PARD3B: variants seen among roughly 807,000 people sequenced by gnomAD.
The protein encoded by PARD3B is partitioning defective 3 homolog B.
Under a neutral mutation model 130.2 loss-of-function variants are expected in PARD3B, and 103 were observed. The observed-to-expected ratio is 0.79, with a 90% CI of 0.67 to 0.93. PARD3B has a LOEUF of 0.93. PARD3B is among the 40% of genes least tolerant of loss of function. The pLI is 0.00. For synonymous variants in PARD3B, 583 were observed against 553.2 expected (o/e 1.05, Z -0.76); for missense variants, 1,609 against 1,499.2 (o/e 1.07, Z -1.21).
intron 18 of PARD3B, among the ~76,000 whole-genome samples, chr2:205,399,912 G>A (rs978763121): frequency 7.2e-5 from 11 of 152,150 alleles, no homozygotes; most frequent in South Asian, 2.1e-4. Context: ...AAAGGAAAGC[G>A]TACAGGCAGA....
chr2:205,431,671 A>G (rs943247839), intron 19 of PARD3B, among the ~76,000 whole-genome samples: 17 of 151,522 alleles, frequency 1.1e-4, no homozygotes, highest in Admixed American at 7.2e-4. Flanking sequence ...GGGTTTCACT[A>G]TGTTGGCCAG....
chr2:204,990,858 T>C (rs976416111), intron 3 of PARD3B, among the ~76,000 whole-genome samples: 3 of 152,186 alleles, frequency 2.0e-5, no homozygotes, highest in Non-Finnish European at 4.4e-5. Context: ...GTTTAAAAGT[T>C]TACTTTACAT....
intron 21 of PARD3B, among the ~76,000 whole-genome samples, chr2:205,515,041 T>C (rs2106380465): frequency 6.6e-6 from 1 of 152,150 alleles, no homozygotes. Context: ...TTCTTTGTTT[T>C]CCTAAGTGCT....
rs183580954 is a variant in PARD3B, at chr2:205,569,667, A to T, written c.3260+16264A>T. 1.2e-4 allele frequency among the ~76,000 whole-genome samples: 19 copies of T among 152,334 alleles called. 1 individual carries two copies. The East Asian group carries it at 3.7e-3, about 29-fold the overall frequency. On this transcript the variant is annotated intron_variant, in intron 22 of 22. Coordinates refer to ENST00000406610, the MANE Select transcript of PARD3B (RefSeq NM_001302769.2). ...AGTTCATTGGCACATGTCAACCAGA[A>T]TCAATTTACATCTTGCTCTCACTGA...
intron 2 of PARD3B, among the ~76,000 whole-genome samples, chr2:204,896,158 G>A (rs915489299): frequency 6.6e-6 from 1 of 152,136 alleles, no homozygotes; most frequent in African/African-American, 2.4e-5. Flanking sequence ...TTCTGCAAAT[G>A]CTAGCTATTA....
intron 1 of PARD3B, among the ~76,000 whole-genome samples, chr2:204,565,285 A>G (rs1380256833): frequency 1.3e-5 from 2 of 152,198 alleles, no homozygotes; most frequent in South Asian, 2.1e-4. Context: ...AGTATTATAT[A>G]ATACAACATA....
intron 2 of PARD3B, among the ~76,000 whole-genome samples, chr2:204,710,473 G>A (rs1400233584): frequency 6.6e-6 from 1 of 152,212 alleles, no homozygotes; most frequent in Non-Finnish European, 1.5e-5. Context: ...GTTTTTAAGA[G>A]CTGGACTTGC....
intron 19 of PARD3B, among the ~76,000 whole-genome samples, chr2:205,422,102 A>G (rs1195816189): frequency 6.6e-6 from 1 of 152,228 alleles, no homozygotes; most frequent in Non-Finnish European, 1.5e-5. Flanking sequence ...AATAAACTAG[A>G]GCAATGTGAT....
At chr2:205,248,659 T>G (rs959515448) in intron 16 of PARD3B, among the ~76,000 whole-genome samples, 2 of 137,420 alleles carry the variant, frequency 1.5e-5, no homozygotes, top group Non-Finnish European at 3.0e-5. Context: ...CAGGCTGGAG[T>G]GCAGTGGCGC....
chr2:205,234,632 G>A (rs770991362), intron 15 of PARD3B, among the ~76,000 whole-genome samples: 2 of 152,034 alleles, frequency 1.3e-5, no homozygotes, highest in African/African-American at 2.4e-5. Flanking sequence ...AATAGAACAA[G>A]TATACCAAAA....
intron 1 of PARD3B, among the ~76,000 whole-genome samples, chr2:204,621,054 A>G (rs1311620998): frequency 6.6e-6 from 1 of 152,166 alleles, no homozygotes; most frequent in Non-Finnish European, 1.5e-5. Flanking sequence ...GCTTATATGT[A>G]CCTCTGTGGG....
At chr2:205,023,213 G>A (rs998063953) in intron 3 of PARD3B, among the ~76,000 whole-genome samples, 1 of 152,164 alleles carries the variant, frequency 6.6e-6, no homozygotes, top group Admixed American at 6.5e-5. Context: ...AGGAGAGGTG[G>A]TGATCCCACT....
intron 2 of PARD3B, among the ~76,000 whole-genome samples, chr2:204,808,658 T>C: frequency 6.6e-6 from 1 of 152,090 alleles, no homozygotes; most frequent in Non-Finnish European, 1.5e-5. Context: ...ACAAAGGACA[T>C]GATCTTGTTC....
chr2:205,359,577 C>T (rs1258990910), intron 18 of PARD3B, among the ~76,000 whole-genome samples: 1 of 152,058 alleles, frequency 6.6e-6, no homozygotes, highest in Non-Finnish European at 1.5e-5. Flanking sequence ...CTCCTTTTAC[C>T]CTCTGCATGT....
chr2:205,181,228 C>T lies in PARD3B; in HGVS notation c.1925-4536C>T, dbSNP rs146646952. On this transcript the variant is annotated intron_variant, in intron 13 of 22. Transcript: ENST00000406610. Reference sequence around the variant, plus strand: ...GTATTCCCTGGGGTCCTCTGAGACACATCATAGTAGAATTATTTCTAATGT... The same window carrying T: ...GTATTCCCTGGGGTCCTCTGAGACATATCATAGTAGAATTATTTCTAATGT... 1.5e-3 allele frequency among the ~76,000 whole-genome samples: 223 copies of T among 152,266 alleles called. 2 individuals carry two copies. The highest frequency in any genetic ancestry group is 5.6e-3 in the South Asian group (27 of 4,818).
chr2:204,685,658 T>A (rs770930969), intron 1 of PARD3B, among the ~76,000 whole-genome samples: 7 of 152,204 alleles, frequency 4.6e-5, no homozygotes, highest in Non-Finnish European at 7.3e-5. Flanking sequence ...TCATTGCATA[T>A]CTCAGAGTGA....
intron 22 of PARD3B, among the ~76,000 whole-genome samples, chr2:205,612,040 T>C (rs1031135986): frequency 4.6e-5 from 7 of 152,126 alleles, no homozygotes; most frequent in Non-Finnish European, 1.0e-4. Flanking sequence ...ACACTAAATT[T>C]CACACAAATA....
intron 18 of PARD3B, among the ~76,000 whole-genome samples, chr2:205,340,807 G>A (rs750721961): frequency 1.3e-5 from 2 of 152,008 alleles, no homozygotes; most frequent in African/African-American, 2.4e-5. Flanking sequence ...GAGTGAAGAG[G>A]CCACTCCACT....
At chr2:205,490,354 A>G (rs1219398267) in intron 20 of PARD3B, among the ~76,000 whole-genome samples, 1 of 151,908 alleles carries the variant, frequency 6.6e-6, no homozygotes, top group Non-Finnish European at 1.5e-5. Flanking sequence ...ATGAGCGAGA[A>G]CGTGCGGTGT....
Sources: gnomAD v4.1 joint callset for allele counts (sites outside exome capture counted in the v4.1 genomes callset) on GRCh38, gnomAD v4.1.1 for gene constraint, MANE v1.5 for transcripts, NCBI Gene and HGNC (gene_info 2026-07-23, HGNC 2026-07-21) for gene names.